Variants in C1orf159 observed in about 807,000 individuals in gnomAD.
The protein encoded by C1orf159 is chromosome 1 open reading frame 159.
In C1orf159, 19 loss-of-function variants were observed where a neutral mutation model predicts 25.6. The ratio of observed to expected loss-of-function variants is 0.74; its 90% CI spans 0.52 to 1.09. The LOEUF (loss-of-function observed/expected upper bound fraction) is 1.09, where lower values mean the gene tolerates loss of function less well. C1orf159 is among the 50% of genes least tolerant of loss of function. C1orf159 has a pLI of 0.00. For synonymous variants in C1orf159, 139 were observed against 124.7 expected (o/e 1.12, Z -0.77); for missense variants, 274 against 290.6 (o/e 0.94, Z 0.42).
chr1:1,090,240 G>A, intron 4 of C1orf159, 113 bp downstream of exon 4: 2 of 1,093,478 alleles, frequency 1.8e-6, no homozygotes, highest in Non-Finnish European at 1.4e-6. Context: ...CCACTCCCCA[G>A]GTCCCGCAGC....
chr1:1,082,624 G>A lies in C1orf159; in HGVS notation c.*269C>T, dbSNP rs868479575. On this transcript the variant is annotated 3_prime_UTR_variant, in exon 10 of 10. Coordinates refer to ENST00000421241, the MANE Select transcript of C1orf159 (RefSeq NM_017891.5). Reference sequence around the variant, plus strand: ...CTCACCGTGTTTCCTGGGGGGGCCCGGACCCCCCAAGGCCTCGATCTGAAG... The same window carrying A: ...CTCACCGTGTTTCCTGGGGGGGCCCAGACCCCCCAAGGCCTCGATCTGAAG... 1.4e-5 allele frequency: 7 copies of A among 494,424 alleles called. No individual in the cohort carries two copies. Among genetic ancestry groups the A allele is most frequent in the South Asian group, 6.5e-5 (3 of 46,460 alleles). The allele number at this position is 494,424 out of a possible 1,614,324, so 30.6% of individuals were successfully genotyped here.
intron 1 of C1orf159, among the ~76,000 whole-genome samples, chr1:1,093,966 T>G (rs144156451): frequency 3.9e-5 from 6 of 152,254 alleles, no homozygotes; most frequent in Non-Finnish European, 8.8e-5. Context: ...ACAATCTGCA[T>G]TTCCCTGAAG....
At chr1:1,114,020 GA>G (rs1646300073) in intron 1 of C1orf159, among the ~76,000 whole-genome samples, 1 of 150,408 alleles carries the variant, frequency 6.6e-6, no homozygotes, top group Non-Finnish European at 1.5e-5. Flanking sequence ...GAGTTCAAGC[GA>G]TTCTCCTGCC....
At chr1:1,088,594 A>G (rs1044386292) in intron 4 of C1orf159, among the ~76,000 whole-genome samples, 1 of 150,576 alleles carries the variant, frequency 6.6e-6, no homozygotes, top group African/African-American at 2.4e-5. Flanking sequence ...ATTTCCGCCC[A>G]CCGGCCAGGG....
intron 2 of C1orf159, 95 bp from the exon 3 acceptor site, chr1:1,091,660 G>T: frequency 1.1e-6 from 1 of 880,384 alleles, no homozygotes; most frequent in South Asian, 1.4e-5. Flanking sequence ...GAGATGTTGG[G>T]GGGGTGCGGG....
At chr1:1,107,981 C>A (rs1646198718) in intron 1 of C1orf159, among the ~76,000 whole-genome samples, 1 of 152,232 alleles carries the variant, frequency 6.6e-6, no homozygotes, top group African/African-American at 2.4e-5. Flanking sequence ...GTAACACTCA[C>A]TGCGAGGGTC....
intron 3 of C1orf159, 46 bp downstream of exon 3, chr1:1,091,426 A>G (rs1208029122): frequency 6.6e-7 from 1 of 1,511,898 alleles, no homozygotes; most frequent in East Asian, 2.5e-5. Flanking sequence ...CGCCCTCCAC[A>G]GAGGCTCTGG....
At position 1,082,747 on chromosome 1, in the gene C1orf159, C is replaced by G. The variant is rs1045921909; in HGVS notation, c.*146G>C. 1.4e-6 allele frequency: 1 copy of G among 725,870 alleles called. No individual in the cohort carries two copies. Among genetic ancestry groups the G allele is most frequent in the African/African-American group, 1.8e-5 (1 of 56,804 alleles). The allele number at this position is 725,870 out of a possible 1,614,324, so 45.0% of individuals were successfully genotyped here. A position where few individuals can be genotyped will look rare whatever the true frequency, so the allele number is the denominator to read the frequency against. ...GCCCGGGACCCTTTGGCGTCCGTCG[C>G]TGGGAGGCGGAGGGACTCAGAGCCG... On this transcript the variant is annotated 3_prime_UTR_variant, in exon 10 of 10. Coordinates refer to ENST00000421241, the MANE Select transcript of C1orf159 (RefSeq NM_017891.5).
intron 9 of C1orf159, chr1:1,083,680 G>A (rs762395081): frequency 2.8e-5 from 16 of 566,758 alleles, no homozygotes; most frequent in East Asian, 6.2e-5. Context: ...CGGGGCACTC[G>A]GGCACCGTGG....
At chr1:1,088,793 G>A (rs910958583) in intron 4 of C1orf159, among the ~76,000 whole-genome samples, 9 of 152,132 alleles carry the variant, frequency 5.9e-5, no homozygotes, top group Non-Finnish European at 1.2e-4. Flanking sequence ...GCGGCGACAC[G>A]GGGACCCCGC....
intron 9 of C1orf159, chr1:1,083,755 A>ACG: frequency 1.5e-6 from 1 of 669,544 alleles, no homozygotes; most frequent in South Asian, 1.9e-5. Context: ...TTGATGGAGA[A>ACG]CGGTCTGTCC....
intron 6 of C1orf159, among the ~76,000 whole-genome samples, chr1:1,086,639 G>A (rs1418211001): frequency 1.3e-5 from 2 of 152,362 alleles, no homozygotes; most frequent in Middle Eastern, 3.4e-3. Flanking sequence ...GAGGCCAGGA[G>A]CCCATCCAGG....
At chr1:1,090,682 A>C in intron 3 of C1orf159, 1 of 698,558 alleles carries the variant, frequency 1.4e-6, no homozygotes, top group Non-Finnish European at 2.5e-6. Flanking sequence ...GGAAGAGTAA[A>C]CCACCCCCAG....
chr1:1,092,100 A>G lies in C1orf159; in HGVS notation c.-132T>C, dbSNP rs895020157. 1 of 421,226 alleles carries G rather than the reference A, an allele frequency of 2.4e-6. No individual in the cohort carries two copies. The highest frequency in any genetic ancestry group is 4.8e-6 in the Non-Finnish European group (1 of 210,070). 26.1% of individuals were successfully genotyped at this position (421,226 alleles called of 1,614,324 possible). ...AGCTGAGCCCTGCAGACCCCGGCCC[A>G]GTCCTGCAGATGAAGACAGCAGGTG... is the stretch of plus-strand genomic sequence containing the variant. On this transcript the variant is annotated 5_prime_UTR_variant, in exon 2 of 10. Coordinates refer to ENST00000421241, the MANE Select transcript of C1orf159 (RefSeq NM_017891.5).
chr1:1,090,839 C>A, intron 3 of C1orf159: 1 of 1,509,698 alleles, frequency 6.6e-7, no homozygotes, highest in Non-Finnish European at 9.0e-7. Context: ...CCCAGGTGCC[C>A]AGGTACTGCA....
At chr1:1,115,941 CG>C (rs1646334588) in intron 1 of C1orf159, 118 bp downstream of exon 1, 1 of 151,438 alleles carries the variant, frequency 6.6e-6, no homozygotes, top group South Asian at 2.1e-4. Flanking sequence ...TCCCTCGGGC[CG>C]GGCCAGGGCC....
rs918393467 is a variant in C1orf159, at chr1:1,088,784, C to T, written c.149-1187G>A. On this transcript the variant is annotated intron_variant, in intron 4 of 9. Transcript: ENST00000421241. ...GACTGATCTGAATACAAACGGGCCG[C>T]GGCGACACGGGGACCCCGCGGTGGA... 2.6e-5 allele frequency among the ~76,000 whole-genome samples: 4 copies of T among 152,156 alleles called. No individual in the cohort carries two copies. In the East Asian group the frequency reaches 5.8e-4, roughly 22 times the overall value.
chr1:1,094,158 T>A (rs1570316598), intron 1 of C1orf159, among the ~76,000 whole-genome samples: 1 of 147,374 alleles, frequency 6.8e-6, no homozygotes, highest in Non-Finnish European at 1.5e-5. Context: ...AGTGCAGTAG[T>A]GGGATCGTGG....
intron 1 of C1orf159, among the ~76,000 whole-genome samples, chr1:1,111,953 G>GGT (rs1646262378): frequency 6.6e-6 from 1 of 152,200 alleles, no homozygotes; most frequent in Admixed American, 6.5e-5. Flanking sequence ...CCCTTGATGG[G>GGT]GTGTAAAGGA....
Sources: gnomAD v4.1 joint callset for allele counts (sites outside exome capture counted in the v4.1 genomes callset) on GRCh38, gnomAD v4.1.1 for gene constraint, MANE v1.5 for transcripts, NCBI Gene and HGNC (gene_info 2026-07-23, HGNC 2026-07-21) for gene names.